The following EYS variants were observed in gnomAD, a reference collection of about 807,000 sequenced individuals.
EYS encodes EGF-like photoreceptor maintenance factor.
EYS carries 250 observed loss-of-function variants against 282.1 expected under a neutral mutation model. That is an observed-to-expected ratio of 0.89 (90% confidence interval 0.80 to 0.98). The LOEUF (loss-of-function observed/expected upper bound fraction) is 0.98, where lower values mean the gene tolerates loss of function less well. Among genes scored for constraint, EYS ranks in the 50% least tolerant of loss-of-function variants. EYS has a pLI of 0.00. For synonymous variants in EYS, 1,355 were observed against 1,282.9 expected (o/e 1.06, Z -1.20); for missense variants, 4,016 against 3,709.0 (o/e 1.08, Z -2.15).
At chr6:63,751,818 G>A (rs1251427237) in intron 41 of EYS, among the ~76,000 whole-genome samples, 2 of 152,140 alleles carry the variant, frequency 1.3e-5, no homozygotes, top group African/African-American at 4.8e-5. Flanking sequence ...CTTTCCTCAG[G>A]ACTCAGATGG....
intron 1 of EYS, among the ~76,000 whole-genome samples, chr6:65,659,613 G>A (rs1281089493): frequency 6.6e-6 from 1 of 151,568 alleles, no homozygotes; most frequent in African/African-American, 2.4e-5. Context: ...AGGAGAACTG[G>A]AAATACTGAC....
intron 39 of EYS, among the ~76,000 whole-genome samples, chr6:63,783,778 A>G (rs1292254252): frequency 6.6e-6 from 1 of 152,166 alleles, no homozygotes; most frequent in Non-Finnish European, 1.5e-5. Context: ...AGGCAGGGAA[A>G]ATAAGACATA....
chr6:64,152,992 C>T (rs1278111806), intron 31 of EYS, among the ~76,000 whole-genome samples: 1 of 152,098 alleles, frequency 6.6e-6, no homozygotes, highest in Non-Finnish European at 1.5e-5. Flanking sequence ...GTTGCAAAGC[C>T]TTATCTCACA....
chr6:65,422,794 C>T (rs1387030163), intron 5 of EYS, among the ~76,000 whole-genome samples: 1 of 147,560 alleles, frequency 6.8e-6, no homozygotes. Flanking sequence ...AAAAGCCTCT[C>T]TCTATATAGA....
At chr6:64,235,345 T>G (rs147216841) in intron 30 of EYS, among the ~76,000 whole-genome samples, 214 of 144,618 alleles carry the variant, frequency 1.5e-3, no homozygotes, top group East Asian at 1.6e-3. Flanking sequence ...CGGTGTTTGG[T>G]TTTTTGTTCT....
chr6:64,686,221 A>C (rs1014059071), intron 22 of EYS, among the ~76,000 whole-genome samples: 11 of 152,070 alleles, frequency 7.2e-5, no homozygotes, highest in African/African-American at 2.7e-4. Context: ...ATCTGTAAGA[A>C]GATAGAAATA....
chr6:64,379,251 C>G (rs1401144203), intron 29 of EYS, among the ~76,000 whole-genome samples: 2 of 152,174 alleles, frequency 1.3e-5, no homozygotes, highest in East Asian at 3.9e-4. Flanking sequence ...TTAATAGCCC[C>G]AAAGCACTTA....
intron 22 of EYS, among the ~76,000 whole-genome samples, chr6:64,760,665 A>C (rs1411207750): frequency 1.3e-5 from 2 of 152,222 alleles, no homozygotes; most frequent in Non-Finnish European, 2.9e-5. Context: ...TGTGCAGGAC[A>C]GTCCTGAATA....
chr6:63,810,068 C>T (rs1177086556), intron 36 of EYS, among the ~76,000 whole-genome samples: 3 of 149,648 alleles, frequency 2.0e-5, no homozygotes, highest in Non-Finnish European at 4.5e-5. Context: ...CGTGAAACCC[C>T]GCCTCTACTT....
chr6:65,647,885 A>G (rs1042034186), intron 1 of EYS, among the ~76,000 whole-genome samples: 3 of 152,148 alleles, frequency 2.0e-5, no homozygotes, highest in Admixed American at 1.3e-4. Flanking sequence ...TGAAAAGACA[A>G]TCCTCAAAAA....
chr6:64,928,763 T>G (rs1768600705), intron 15 of EYS, among the ~76,000 whole-genome samples: 1 of 152,094 alleles, frequency 6.6e-6, no homozygotes, highest in South Asian at 2.1e-4. Context: ...AAGGCAACAC[T>G]TTTAATCTGA....
intron 29 of EYS, among the ~76,000 whole-genome samples, chr6:64,313,452 A>G (rs1461992932): frequency 6.6e-6 from 1 of 152,112 alleles, no homozygotes; most frequent in African/African-American, 2.4e-5. Flanking sequence ...AAATTGGAAA[A>G]CACTCTGCAG....
chr6:64,325,168 G>T (rs1478603764), intron 29 of EYS, among the ~76,000 whole-genome samples: 1 of 152,208 alleles, frequency 6.6e-6, no homozygotes, highest in Non-Finnish European at 1.5e-5. Context: ...GAAGTGGAGT[G>T]CTCCTGCAGG....
chr6:65,422,255 T>C (rs1274600414), intron 5 of EYS, among the ~76,000 whole-genome samples: 2 of 151,982 alleles, frequency 1.3e-5, no homozygotes, highest in Non-Finnish European at 2.9e-5. Flanking sequence ...GCATGGAAAA[T>C]AAATAAAGCT....
chr6:64,092,645 G>C (rs1394091109), intron 31 of EYS, among the ~76,000 whole-genome samples: 1 of 152,020 alleles, frequency 6.6e-6, no homozygotes, highest in Non-Finnish European at 1.5e-5. Flanking sequence ...TGTAGATTCT[G>C]GATATTAGCC....
chr6:64,292,435 T>C (rs1884179), intron 30 of EYS, among the ~76,000 whole-genome samples: 107,750 of 151,820 alleles, frequency 0.71, 38,369 homozygotes, highest in African/African-American at 0.77. Flanking sequence ...AGAAAATAAA[T>C]TGAGTTGCTA....
At chr6:64,834,888 A>AAAT (rs1356299393) in intron 19 of EYS, among the ~76,000 whole-genome samples, 1 of 151,838 alleles carries the variant, frequency 6.6e-6, no homozygotes, top group Non-Finnish European at 1.5e-5. Context: ...TAACCACAGG[A>AAAT]AATAGATAAG....
chr6:64,777,960 T>C (rs1030488459), intron 22 of EYS, among the ~76,000 whole-genome samples: 1 of 152,148 alleles, frequency 6.6e-6, no homozygotes, highest in Non-Finnish European at 1.5e-5. Flanking sequence ...TAAGTTTCAA[T>C]GAGATTCCAA....
intron 14 of EYS, among the ~76,000 whole-genome samples, chr6:64,955,253 C>T (rs1182835611): frequency 6.6e-6 from 1 of 150,994 alleles, no homozygotes; most frequent in African/African-American, 2.4e-5. Flanking sequence ...AAATTAAATA[C>T]CTAGGAATTA....
Sources: allele counts gnomAD v4.1 joint callset (sites outside exome capture counted in the v4.1 genomes callset), GRCh38; gene constraint gnomAD v4.1.1; transcripts MANE v1.5; gene names NCBI Gene and HGNC (gene_info 2026-07-23, HGNC 2026-07-21).